Variants in TENM3 observed in about 807,000 individuals in gnomAD.
TENM3 encodes the protein teneurin transmembrane protein 3, also known as teneurin-3.
TENM3 carries 63 observed loss-of-function variants against 255.1 expected under a neutral mutation model. That is an observed-to-expected ratio of 0.25 (90% CI 0.20 to 0.30). The LOEUF (loss-of-function observed/expected upper bound fraction) is 0.30. Ranked by LOEUF, TENM3 falls within the 10% of genes least tolerant of loss-of-function variation. The probability of loss-of-function intolerance (pLI) is 1.00; values close to 1 mark genes in which losing one functional copy is unlikely to be tolerated. For missense variants in TENM3, 2,929 were observed against 3,461.1 expected (o/e 0.85, Z 3.86); for synonymous variants, 1,306 against 1,322.3 (o/e 0.99, Z 0.27).
chr4:182,462,266 C>T (rs1732085241), intron 3 of TENM3, among the ~76,000 whole-genome samples: 1 of 151,944 alleles, frequency 6.6e-6, no homozygotes, highest in Non-Finnish European at 1.5e-5. Context: ...CTACGTTGCC[C>T]AAGGCTGGTC....
intron 1 of TENM3, among the ~76,000 whole-genome samples, chr4:182,293,292 C>A (rs921132545): frequency 6.6e-6 from 1 of 152,188 alleles, no homozygotes. Context: ...CAAAACCAGC[C>A]TCCATCCAAA....
chr4:182,488,650 A>G (rs1176009938), intron 3 of TENM3, among the ~76,000 whole-genome samples: 4 of 152,178 alleles, frequency 2.6e-5, no homozygotes. Flanking sequence ...TAGTTAATGA[A>G]TACCACGGAA....
At chr4:181,480,860 A>G in the TENM3 span, among the ~76,000 whole-genome samples, 3 of 150,276 alleles carry the variant, frequency 2.0e-5, no homozygotes, top group Non-Finnish European at 4.4e-5. Flanking sequence ...AGAACTGTTC[A>G]TGTGTGTCAT....
chr4:181,621,617 A>G, the TENM3 span, among the ~76,000 whole-genome samples: 1 of 152,318 alleles, frequency 6.6e-6, no homozygotes, highest in South Asian at 2.1e-4. Flanking sequence ...CCAGGGTCTC[A>G]CACACACAAA....
chr4:182,078,117 T>C, the TENM3 span, among the ~76,000 whole-genome samples: 1 of 152,246 alleles, frequency 6.6e-6, no homozygotes, highest in East Asian at 1.9e-4. Flanking sequence ...TCCCAGCTAC[T>C]TGGGAGTCTG....
chr4:181,480,652 T>C, the TENM3 span, among the ~76,000 whole-genome samples: 1 of 151,760 alleles, frequency 6.6e-6, no homozygotes. Context: ...AATGAAAGCT[T>C]TGTATATATG....
chr4:181,976,778 T>G, the TENM3 span, among the ~76,000 whole-genome samples: 1 of 152,162 alleles, frequency 6.6e-6, no homozygotes, highest in Non-Finnish European at 1.5e-5. Flanking sequence ...TAGAAATGAA[T>G]AGTATTTAAA....
chr4:182,692,527 G>A (rs2152602898), intron 12 of TENM3, among the ~76,000 whole-genome samples: 1 of 152,296 alleles, frequency 6.6e-6, no homozygotes, highest in African/African-American at 2.4e-5. Flanking sequence ...TATCTACTAT[G>A]GAGGGTTGTT....
intron 6 of TENM3, among the ~76,000 whole-genome samples, chr4:182,655,345 A>T (rs1278436096): frequency 6.6e-6 from 1 of 152,160 alleles, no homozygotes; most frequent in Admixed American, 6.5e-5. Flanking sequence ...CTTATTATGG[A>T]TATTGTATTT....
At chr4:182,125,162 C>T in the TENM3 span, among the ~76,000 whole-genome samples, 2 of 120,316 alleles carry the variant, frequency 1.7e-5, no homozygotes, top group African/African-American at 3.0e-5. Flanking sequence ...CATTGCCCAG[C>T]GCATCCACGC....
chr4:182,098,035 A>G, the TENM3 span, among the ~76,000 whole-genome samples: 16 of 152,348 alleles, frequency 1.1e-4, no homozygotes, highest in African/African-American at 3.6e-4. Flanking sequence ...CTGAATAGAC[A>G]TCTCTCAAAA....
the TENM3 span, among the ~76,000 whole-genome samples, chr4:182,091,915 C>T: frequency 4.6e-3 from 696 of 152,228 alleles, 1 homozygote; most frequent in African/African-American, 0.016. Context: ...CCTGAAATAA[C>T]GGGCCCAGAC....
At chr4:182,140,594 C>A (rs1749326857), upstream of TENM3, among the ~76,000 whole-genome samples, 1 of 152,178 alleles carries the variant, frequency 6.6e-6, no homozygotes, top group Non-Finnish European at 1.5e-5. Flanking sequence ...CACAAGTGTC[C>A]TTGGAGAGCC....
At chr4:182,046,581 A>C in the TENM3 span, among the ~76,000 whole-genome samples, 16 of 146,920 alleles carry the variant, frequency 1.1e-4, no homozygotes, top group Admixed American at 1.1e-3. Flanking sequence ...AATAATAATA[A>C]CAACCAGGTG....
chr4:181,924,055 G>A, the TENM3 span, among the ~76,000 whole-genome samples: 3 of 152,136 alleles, frequency 2.0e-5, no homozygotes, highest in African/African-American at 7.2e-5. Flanking sequence ...ACTGACTGCT[G>A]TTTTCTGGGG....
intron 7 of TENM3, among the ~76,000 whole-genome samples, chr4:182,677,008 A>T (rs1306651646): frequency 6.6e-6 from 1 of 152,212 alleles, no homozygotes; most frequent in Non-Finnish European, 1.5e-5. Flanking sequence ...CCCCAAAAAT[A>T]TATCTGCATC....
At chr4:182,689,955 T>C (rs1756888349) in intron 12 of TENM3, among the ~76,000 whole-genome samples, 1 of 152,238 alleles carries the variant, frequency 6.6e-6, no homozygotes. Flanking sequence ...AGCCTAAAGA[T>C]GGACTTTCCT....
At chr4:181,775,484 G>C in the TENM3 span, among the ~76,000 whole-genome samples, 5 of 152,060 alleles carry the variant, frequency 3.3e-5, no homozygotes, top group African/African-American at 1.2e-4. Flanking sequence ...TTTTTGGATT[G>C]TTGGTTCCTG....
the TENM3 span, among the ~76,000 whole-genome samples, chr4:181,758,974 T>C: frequency 1.9e-3 from 291 of 152,320 alleles, 1 homozygote; most frequent in Non-Finnish European, 3.2e-3. Context: ...AAACTCATGT[T>C]TTACAAAAAT....
Sources: gnomAD v4.1 joint callset for allele counts (sites outside exome capture counted in the v4.1 genomes callset) on GRCh38, gnomAD v4.1.1 for gene constraint, MANE v1.5 for transcripts, NCBI Gene and HGNC (gene_info 2026-07-23, HGNC 2026-07-21) for gene names.